The following CSMD1 variants were observed in gnomAD, a reference collection of about 807,000 sequenced individuals.
CSMD1 encodes the protein CUB and Sushi multiple domains 1, also known as CUB and sushi domain-containing protein 1.
CSMD1 carries 213 observed loss-of-function variants against 417.5 expected under a neutral mutation model. The observed-to-expected ratio is 0.51, with a 90% CI of 0.46 to 0.57. CSMD1 has a LOEUF of 0.57. Among genes scored for constraint, CSMD1 ranks in the 20% least tolerant of loss-of-function variants. The pLI is 0.00. For synonymous variants in CSMD1, 2,862 were observed against 1,736.8 expected (o/e 1.65, Z -16.11); for missense variants, 6,923 against 4,529.7 (o/e 1.53, Z -15.17).
chr8:3,043,986 G>A (rs936574804), intron 50 of CSMD1, among the ~76,000 whole-genome samples: 4 of 152,124 alleles, frequency 2.6e-5, no homozygotes, highest in African/African-American at 7.2e-5. Context: ...TACAACAGCA[G>A]CTTAATGTCT....
intron 11 of CSMD1, among the ~76,000 whole-genome samples, chr8:3,492,451 A>G (rs906254068): frequency 6.6e-6 from 1 of 152,210 alleles, no homozygotes; most frequent in Non-Finnish European, 1.5e-5. Context: ...CCTGCAGAAC[A>G]CTTTCCATTA....
chr8:4,910,660 A>C lies in CSMD1; in HGVS notation c.85+83672T>G, dbSNP rs74299174. ...TTTGGGGATTAGATTTTAACATATT[A>C]ATTTTGAAGGGGGCACAAACATTCA... On this transcript the variant is annotated intron_variant, in intron 1 of 69. Coordinates refer to ENST00000635120, the MANE Select transcript of CSMD1 (RefSeq NM_033225.6). 4.6e-4 allele frequency among the ~76,000 whole-genome samples: 70 copies of C among 152,310 alleles called. 1 individual carries two copies. The East Asian group carries it at 0.013, about 27-fold the overall frequency.
intron 2 of CSMD1, among the ~76,000 whole-genome samples, chr8:4,424,003 C>T (rs1290033973): frequency 6.6e-6 from 1 of 151,872 alleles, no homozygotes; most frequent in Non-Finnish European, 1.5e-5. Flanking sequence ...ATTGGATGTC[C>T]ATAGCAAATA....
intron 3 of CSMD1, among the ~76,000 whole-genome samples, chr8:4,176,587 A>G (rs1798056617): frequency 6.9e-6 from 1 of 145,072 alleles, no homozygotes; most frequent in African/African-American, 2.6e-5. Context: ...CTCTAGTAGA[A>G]GGGACATAGG....
chr8:2,947,102 C>T (rs549297016), intron 68 of CSMD1, among the ~76,000 whole-genome samples: 40 of 152,236 alleles, frequency 2.6e-4, no homozygotes, highest in Admixed American at 6.5e-4. Flanking sequence ...AAGAGTTCTT[C>T]GTACATTCTG....
intron 6 of CSMD1, among the ~76,000 whole-genome samples, chr8:3,724,183 C>A (rs1456370412): frequency 1.0e-5 from 1 of 99,336 alleles, no homozygotes; most frequent in Non-Finnish European, 2.1e-5. Flanking sequence ...AACAATGCTA[C>A]CTCTTTTACT....
intron 26 of CSMD1, among the ~76,000 whole-genome samples, chr8:3,233,926 C>CAGACT (rs1256831495): frequency 6.6e-6 from 1 of 152,180 alleles, no homozygotes; most frequent in Non-Finnish European, 1.5e-5. Flanking sequence ...AATTCACCTA[C>CAGACT]AGACTAGTGT....
chr8:4,375,065 A>T (rs1190768029), intron 3 of CSMD1, among the ~76,000 whole-genome samples: 1 of 151,910 alleles, frequency 6.6e-6, no homozygotes, highest in Non-Finnish European at 1.5e-5. Flanking sequence ...ATAGGTAGAA[A>T]AGGAGTGATG....
At chr8:4,980,697 G>A (rs960594376) in intron 1 of CSMD1, among the ~76,000 whole-genome samples, 1 of 152,092 alleles carries the variant, frequency 6.6e-6, no homozygotes, top group African/African-American at 2.4e-5. Context: ...GAGATCAGGA[G>A]TCCAAGACCA....
At chr8:3,651,070 TA>T (rs1365935720) in intron 7 of CSMD1, among the ~76,000 whole-genome samples, 3 of 152,214 alleles carry the variant, frequency 2.0e-5, no homozygotes, top group Admixed American at 2.0e-4. Context: ...ATGAGCTCCA[TA>T]TTCAAGATTC....
At chr8:3,981,551 T>G (rs1813871811) in intron 5 of CSMD1, among the ~76,000 whole-genome samples, 1 of 149,038 alleles carries the variant, frequency 6.7e-6, no homozygotes, top group Non-Finnish European at 1.5e-5. Flanking sequence ...TTTACCTAAG[T>G]CTTTCCACAC....
chr8:4,048,216 C>A (rs975033229), intron 3 of CSMD1, among the ~76,000 whole-genome samples: 2 of 152,082 alleles, frequency 1.3e-5, no homozygotes, highest in Non-Finnish European at 2.9e-5. Flanking sequence ...GAATAACATA[C>A]CGTTCTTTGT....
At chr8:3,131,731 C>T (rs1411830681) in intron 41 of CSMD1, among the ~76,000 whole-genome samples, 2 of 152,070 alleles carry the variant, frequency 1.3e-5, no homozygotes, top group African/African-American at 4.8e-5. Context: ...CTCGGCCTCC[C>T]AAAATGTTGG....
Position 3,307,898 on chromosome 8 carries a change from A to C in CSMD1, c.3824-77T>G, listed in dbSNP as rs539590672. 4.3e-5 allele frequency: 65 copies of C among 1,506,314 alleles called. No individual in the cohort carries two copies. In the African/African-American group the frequency reaches 8.3e-4, roughly 19 times the overall value. 93.3% of individuals were successfully genotyped at this position (1,506,314 alleles called of 1,614,324 possible). On this transcript the variant is annotated intron_variant, in intron 24 of 69. Transcript: ENST00000635120. ...TCTATTTAGCTACTTTTCAAAACCA[A>C]AGCCATTATGTCTGCATTATATACA...
At chr8:3,488,315 C>G (rs1378797676) in intron 11 of CSMD1, among the ~76,000 whole-genome samples, 1 of 151,888 alleles carries the variant, frequency 6.6e-6, no homozygotes. Flanking sequence ...ATCCTGTTGC[C>G]CAGGTTGGTC....
chr8:3,974,055 T>C (rs1025226853), intron 5 of CSMD1, among the ~76,000 whole-genome samples: 1 of 152,110 alleles, frequency 6.6e-6, no homozygotes, highest in Non-Finnish European at 1.5e-5. Context: ...TTGACTATAG[T>C]CTCCTCGTTG....
chr8:3,908,836 G>A (rs143482580), intron 5 of CSMD1, among the ~76,000 whole-genome samples: 161 of 152,264 alleles, frequency 1.1e-3, no homozygotes, highest in African/African-American at 3.6e-3. Context: ...GAGGACCAAC[G>A]ACATTTTGAC....
chr8:3,532,753 A>G (rs965980182), intron 10 of CSMD1, among the ~76,000 whole-genome samples: 1 of 152,224 alleles, frequency 6.6e-6, no homozygotes, highest in African/African-American at 2.4e-5. Context: ...TGATCAATAT[A>G]TAGACAACAT....
chr8:3,535,009 G>A (rs112948642), intron 10 of CSMD1, among the ~76,000 whole-genome samples: 9 of 152,270 alleles, frequency 5.9e-5, no homozygotes, highest in African/African-American at 1.2e-4. Context: ...GTGCAGTGGT[G>A]CAATCAGAAC....
Sources: allele counts gnomAD v4.1 joint callset (sites outside exome capture counted in the v4.1 genomes callset), GRCh38; gene constraint gnomAD v4.1.1; transcripts MANE v1.5; gene names NCBI Gene and HGNC (gene_info 2026-07-23, HGNC 2026-07-21).